The following USP1 variants were observed in gnomAD, a reference collection of about 807,000 sequenced individuals.
The protein encoded by USP1 is ubiquitin carboxyl-terminal hydrolase 1.
A neutral mutation model predicts 72.2 loss-of-function variants in USP1; 18 were observed. That is an observed-to-expected ratio of 0.25 (90% CI 0.17 to 0.37). USP1 has a LOEUF of 0.37. Ranked by LOEUF, USP1 falls within the 10% of genes least tolerant of loss-of-function variation. USP1 has a pLI of 1.00. For missense variants in USP1, 759 were observed against 884.9 expected (o/e 0.86, Z 1.81); for synonymous variants, 354 against 303.7 (o/e 1.17, Z -1.72).
chr1:62,446,274 CCTTGGGCCACACTGGAAGAAGTGT>C, intron 6 of USP1, among the ~76,000 whole-genome samples: 1 of 152,152 alleles, frequency 6.6e-6, no homozygotes, highest in Non-Finnish European at 1.5e-5. Flanking sequence ...CTTTTGGCTT[CCTTGGGCCACACTGGAAGAAGTGT>C]CTTGGGCCAC....
rs1235249567 is a variant in USP1 at position 62,451,051 on chromosome 1, A to G, written c.*70A>G. The G allele has an allele frequency of 1.5e-5, 21 of 1,403,928 alleles. No homozygotes were observed. The highest frequency in any genetic ancestry group is 2.5e-5 in the Admixed American group (1 of 39,944). 87.0% of individuals were successfully genotyped at this position (1,403,928 alleles called of 1,614,324 possible). A position where few individuals can be genotyped will look rare whatever the true frequency, so the allele number is the denominator to read the frequency against. ...AACATTGGTAAAGTTGATTACATCA[A>G]AGAATCTTTAGCTTATCTTTTGAAG... On this transcript the variant is annotated 3_prime_UTR_variant, in exon 9 of 9. Coordinates refer to ENST00000339950, the MANE Select transcript of USP1 (RefSeq NM_003368.5).
chr1:62,436,833 G>T, upstream of USP1: 1 of 321,968 alleles, frequency 3.1e-6, no homozygotes, highest in Non-Finnish European at 5.6e-6. Context: ...TGCCTGCGTT[G>T]TTTGAAACTG....
Position 62,439,920 on chromosome 1 carries a change from C to G in USP1, c.53C>G (p.Ser18Ter). 6.4e-7 allele frequency: 1 copy of G among 1,561,770 alleles called. No individual in the cohort carries two copies. Among genetic ancestry groups the G allele is most frequent in the Non-Finnish European group, 8.6e-7 (1 of 1,159,332 alleles). ...AATGGACTTTCAAGAGGTAGCCCTT[C>G]AAAGAAAAACAGACTTTCCTTAAAG... ...ESNGLSRGSP[S>*]KKNRLSLKFF... is the part of the protein sequence containing the mutation. Residue 18 changes from serine to a stop codon, truncating the protein, a stop_gained, in exon 2 of 9, where the codon TCA becomes TGA. Transcript: ENST00000339950. LOFTEE classifies it high-confidence loss of function.
intron 6 of USP1, among the ~76,000 whole-genome samples, chr1:62,445,997 A>G (rs1444188109): frequency 6.6e-6 from 1 of 151,854 alleles, no homozygotes; most frequent in East Asian, 1.9e-4. Context: ...AACAAATAAT[A>G]ATAAAGTAGG....
At chr1:62,449,781 G>A (rs967532147) in intron 8 of USP1, among the ~76,000 whole-genome samples, 10 of 151,616 alleles carry the variant, frequency 6.6e-5, no homozygotes, top group Non-Finnish European at 1.3e-4. Context: ...GCGTGGTGGC[G>A]GGCACTTGTG....
At chr1:62,445,852 G>A (rs1359647575) in intron 6 of USP1, among the ~76,000 whole-genome samples, 1 of 152,086 alleles carries the variant, frequency 6.6e-6, no homozygotes, top group African/African-American at 2.4e-5. Flanking sequence ...GGTGGCGCAC[G>A]CCTGTAGTCC....
At chr1:62,438,108 A>G (rs1645104767) in intron 1 of USP1, among the ~76,000 whole-genome samples, 1 of 151,516 alleles carries the variant, frequency 6.6e-6, no homozygotes, top group Non-Finnish European at 1.5e-5. Context: ...AAAATGTTAC[A>G]TTCTCGGTGT....
In USP1 at chr1:62,440,044, A is replaced by T; in HGVS notation, c.170+7A>T. On this transcript the variant is annotated splice_region_variant and intron_variant, in intron 2 of 8. Transcript: ENST00000339950. The stretch of plus-strand genomic sequence containing the variant: ...AATATAGAGCATCTGAAATGTATGT[A>T]TCTTACATTTCTGTACTTTAAAAAT... 6.8e-7 allele frequency: 1 copy of T among 1,471,322 alleles called. No individual in the cohort carries two copies. The highest frequency in any genetic ancestry group is 9.0e-7 in the Non-Finnish European group (1 of 1,112,000). The allele number at this position is 1,471,322 out of a possible 1,614,324, so 91.1% of individuals were successfully genotyped here.
In USP1 at chr1:62,437,105, C is replaced by T. The variant is rs966037304; in HGVS notation, c.-365C>T. 16 of 399,130 alleles carry T rather than the reference C, an allele frequency of 4.0e-5. No homozygotes were observed. The highest frequency in any genetic ancestry group is 3.9e-4 in the East Asian group (11 of 28,056). 24.7% of individuals were successfully genotyped at this position (399,130 alleles called of 1,614,324 possible). A position where few individuals can be genotyped will look rare whatever the true frequency, so the allele number is the denominator to read the frequency against. On this transcript the variant is annotated 5_prime_UTR_variant, in exon 1 of 9. Coordinates refer to ENST00000339950, the MANE Select transcript of USP1 (RefSeq NM_003368.5). ...GTGCTAAAGACCCTAGCGGTTCAGG[C>T]GTTCGGCGAGCGGGGCCGCTGCTTG...
In USP1 at chr1:62,443,143, G is replaced by C; in HGVS notation, c.397-16G>C. On this transcript the variant is annotated splice_polypyrimidine_tract_variant and intron_variant, in intron 4 of 8. Coordinates refer to ENST00000339950, the MANE Select transcript of USP1 (RefSeq NM_003368.5). ...TGTTCATAAAATTATTGGTTTGTGT[G>C]TTTCTTTCTTGACAGGGAAATTGCA... 6.2e-7 allele frequency: 1 copy of C among 1,605,140 alleles called. No individual in the cohort carries two copies. Among genetic ancestry groups the C allele is most frequent in the Non-Finnish European group, 8.5e-7 (1 of 1,176,648 alleles).
chr1:62,437,088 G>C lies in USP1; in HGVS notation c.-382G>C. On this transcript the variant is annotated 5_prime_UTR_variant, in exon 1 of 9. Coordinates refer to ENST00000339950, the MANE Select transcript of USP1 (RefSeq NM_003368.5). ...TTCCCCTCGGTGGCGGAGTGCTAAA[G>C]ACCCTAGCGGTTCAGGCGTTCGGCG... 1 of 398,918 alleles carries C rather than the reference G, an allele frequency of 2.5e-6. No individual in the cohort carries two copies. Among genetic ancestry groups the C allele is most frequent in the Non-Finnish European group, 4.4e-6 (1 of 225,974 alleles). 24.7% of individuals were successfully genotyped at this position (398,918 alleles called of 1,614,324 possible).
intron 5 of USP1, among the ~76,000 whole-genome samples, chr1:62,444,398 G>A (rs1424385776): frequency 6.6e-6 from 1 of 152,030 alleles, no homozygotes; most frequent in Non-Finnish European, 1.5e-5. Flanking sequence ...GTATCTGTCA[G>A]TAATGGTGAT....
At chr1:62,440,869 T>C (rs1645129915) in intron 2 of USP1, among the ~76,000 whole-genome samples, 1 of 152,204 alleles carries the variant, frequency 6.6e-6, no homozygotes, top group Admixed American at 6.5e-5. Flanking sequence ...CATTTGTGTT[T>C]TGAGATGGGG....
At chr1:62,436,878 C>T, upstream of USP1, 1 of 380,736 alleles carries the variant, frequency 2.6e-6, no homozygotes, top group Non-Finnish European at 4.7e-6. Flanking sequence ...ACTACAGTCC[C>T]AGCTGGCTCC....
At chr1:62,444,713 A>G (rs1165299107) in intron 5 of USP1, 25 bp from the exon 6 acceptor site, 2 of 1,497,148 alleles carry the variant, frequency 1.3e-6, no homozygotes, top group African/African-American at 2.8e-5. Context: ...ACTAGAATAG[A>G]TGAAATGGAA....
At position 62,437,324 on chromosome 1, in the gene USP1, C is replaced by T; in HGVS notation, c.-146C>T. ...ACCCGGCGGGCTCGGGGCAGGGACT[C>T]ACCTGTCGCACCCACACTCATTCGG... On this transcript the variant is annotated 5_prime_UTR_variant, in exon 1 of 9. Coordinates refer to ENST00000339950, the MANE Select transcript of USP1 (RefSeq NM_003368.5). The T allele has an allele frequency of 2.5e-6, 1 of 396,332 alleles. No homozygotes were observed. The highest frequency in any genetic ancestry group is 4.4e-6 in the Non-Finnish European group (1 of 225,116). The allele number at this position is 396,332 out of a possible 1,614,324, so 24.6% of individuals were successfully genotyped here. A position where few individuals can be genotyped will look rare whatever the true frequency, so the allele number is the denominator to read the frequency against.
intron 6 of USP1, among the ~76,000 whole-genome samples, chr1:62,447,029 GTCTTGAACTCCGACCTCA>G (rs1645180349): frequency 6.6e-6 from 1 of 152,046 alleles, no homozygotes; most frequent in South Asian, 2.1e-4. Context: ...GGTCAGGCTG[GTCTTGAACTCCGACCTCA>G]GGTGATCTGC....
chr1:62,450,212 C>A, intron 8 of USP1, 34 bp from the exon 9 acceptor site: 2 of 1,570,858 alleles, frequency 1.3e-6, no homozygotes, highest in Non-Finnish European at 1.7e-6. Context: ...TAAAATAGAA[C>A]TGCAGGAAAC....
chr1:62,443,415 G>A, intron 5 of USP1, 96 bp downstream of exon 5: 1 of 1,272,460 alleles, frequency 7.9e-7, no homozygotes, highest in Non-Finnish European at 1.0e-6. Flanking sequence ...TAAAGGGCAA[G>A]GAAAGTAGAA....
Sources: gnomAD v4.1 joint callset for allele counts (sites outside exome capture counted in the v4.1 genomes callset) on GRCh38, gnomAD v4.1.1 for gene constraint, MANE v1.5 for transcripts, NCBI Gene and HGNC (gene_info 2026-07-23, HGNC 2026-07-21) for gene names.